RAB3GAP1: variants seen among roughly 807,000 people sequenced by gnomAD.
RAB3GAP1 encodes the protein rab3 GTPase-activating protein catalytic subunit.
RAB3GAP1 carries 86 observed loss-of-function variants against 130.7 expected under a neutral mutation model. The ratio of observed to expected loss-of-function variants is 0.66; its 90% CI spans 0.55 to 0.79. The LOEUF (loss-of-function observed/expected upper bound fraction) is 0.79, where lower values mean the gene tolerates loss of function less well. Ranked by LOEUF, RAB3GAP1 falls within the 30% of genes least tolerant of loss-of-function variation. RAB3GAP1 has a pLI of 0.00. For missense variants in RAB3GAP1, 1,029 were observed against 1,169.4 expected (o/e 0.88, Z 1.75); for synonymous variants, 367 against 401.7 (o/e 0.91, Z 1.03).
rs762679572 is a variant in RAB3GAP1 at position 135,130,677 on chromosome 2, G to A, written c.1192G>A (p.Glu398Lys). 6.2e-7 allele frequency: 1 copy of A among 1,613,818 alleles called. No homozygotes were observed. Among genetic ancestry groups the A allele is most frequent in the Non-Finnish European group, 8.5e-7 (1 of 1,179,782 alleles). ...GAAAATCCGAAAACACAGAGGTGTA[G>A]AGGAGTCACCGCTAAATAATGATGT... ...KKKIRKHRGV[E>K]ESPLNNDVLN... The change falls in exon 13 of 24, where the codon GAG (glutamate) becomes AAG (lysine). Residue 398 changes from glutamate to lysine, a missense_variant. Glu to Lys is a moderately conservative substitution (Grantham distance 56, BLOSUM62 1). Coordinates refer to ENST00000264158, the MANE Select transcript of RAB3GAP1 (RefSeq NM_012233.3).
intron 6 of RAB3GAP1, among the ~76,000 whole-genome samples, chr2:135,114,937 A>G (rs557546693): frequency 1.3e-5 from 2 of 152,326 alleles, no homozygotes; most frequent in Admixed American, 1.3e-4. Flanking sequence ...ACTTTTACTC[A>G]AGACAGTTTT....
intron 7 of RAB3GAP1, among the ~76,000 whole-genome samples, chr2:135,119,486 C>T (rs1045149110): frequency 6.6e-6 from 1 of 152,102 alleles, no homozygotes; most frequent in African/African-American, 2.4e-5. Context: ...TCAAAGTGGC[C>T]TTGTTATGGC....
rs750315541 is a variant in RAB3GAP1 at position 135,168,823 on chromosome 2, G to T, written c.*42G>T. Reference sequence around the variant, plus strand: ...CGTTGGTGGCTTCAGAGACAGTGCTGCCTCCTCCTGAGGGAGGGAAGGTAC... The same window carrying T: ...CGTTGGTGGCTTCAGAGACAGTGCTTCCTCCTCCTGAGGGAGGGAAGGTAC... On this transcript the variant is annotated 3_prime_UTR_variant, in exon 24 of 24. Coordinates refer to ENST00000264158, the MANE Select transcript of RAB3GAP1 (RefSeq NM_012233.3). 1.3e-6 allele frequency: 2 copies of T among 1,549,150 alleles called. No homozygotes were observed. The highest frequency in any genetic ancestry group is 1.4e-5 in the African/African-American group (1 of 73,626).
At chr2:135,103,295 C>T (rs1157021271) in intron 5 of RAB3GAP1, among the ~76,000 whole-genome samples, 4 of 151,948 alleles carry the variant, frequency 2.6e-5, no homozygotes, top group Non-Finnish European at 5.9e-5. Flanking sequence ...CCATGGCCTC[C>T]CAAAGTGCTA....
chr2:135,158,970 T>C (rs1692393134), intron 19 of RAB3GAP1, among the ~76,000 whole-genome samples: 2 of 152,150 alleles, frequency 1.3e-5, no homozygotes, highest in African/African-American at 4.8e-5. Context: ...AAAGAAAAAT[T>C]TGCAGAAGTT....
downstream of RAB3GAP1, among the ~76,000 whole-genome samples, chr2:135,173,481 CAAGT>C (rs946391322): frequency 1.7e-4 from 26 of 152,186 alleles, no homozygotes; most frequent in Admixed American, 1.6e-3. Flanking sequence ...ACTGAGATGA[CAAGT>C]AAGATGAGGA....
At chr2:135,136,103 A>G (rs1360021344) in intron 17 of RAB3GAP1, among the ~76,000 whole-genome samples, 171 bp downstream of exon 17, 1 of 152,340 alleles carries the variant, frequency 6.6e-6, no homozygotes, top group East Asian at 1.9e-4. Flanking sequence ...AGGTGGGCAG[A>G]TCACCTGAGG....
At position 135,124,990 on chromosome 2, in the gene RAB3GAP1, AT is replaced by A. The variant is rs572404334; in HGVS notation, c.830+747del. Among the ~76,000 whole-genome samples, 347 of 152,340 alleles carry A rather than the reference AT, an allele frequency of 2.3e-3. 1 individual carries two copies. Among genetic ancestry groups the A allele is most frequent in the African/African-American group, 7.7e-3 (321 of 41,566 alleles). On this transcript the variant is annotated intron_variant, in intron 9 of 23. Coordinates refer to ENST00000264158, the MANE Select transcript of RAB3GAP1 (RefSeq NM_012233.3). Reference sequence around the variant, plus strand: ...TAATTTACCTGCCATAAAATTCACTATTTAAAAGTGTACAATTCAATGGTAT... The same window carrying A: ...TAATTTACCTGCCATAAAATTCACTATTAAAAGTGTACAATTCAATGGTAT...
intron 18 of RAB3GAP1, among the ~76,000 whole-genome samples, chr2:135,151,428 T>C (rs915702438): frequency 6.6e-6 from 1 of 152,234 alleles, no homozygotes; most frequent in Non-Finnish European, 1.5e-5. Context: ...TTTTTAAACA[T>C]AAACACTCCA....
At chr2:135,112,508 C>G (rs1690834319) in intron 5 of RAB3GAP1, among the ~76,000 whole-genome samples, 1 of 152,128 alleles carries the variant, frequency 6.6e-6, no homozygotes. Context: ...AGTGTGAAAC[C>G]AGAAGAAACT....
intron 6 of RAB3GAP1, 68 bp downstream of exon 6, chr2:135,113,338 G>A: frequency 6.4e-7 from 1 of 1,561,852 alleles, no homozygotes; most frequent in South Asian, 1.1e-5. Flanking sequence ...AAGGCAAACA[G>A]TTATTAAATG....
chr2:135,119,467 G>A (rs1312165516), intron 7 of RAB3GAP1, among the ~76,000 whole-genome samples: 2 of 152,124 alleles, frequency 1.3e-5, no homozygotes, highest in Non-Finnish European at 2.9e-5. Flanking sequence ...CTGGATCAGA[G>A]GTTATGTGTC....
intron 4 of RAB3GAP1, among the ~76,000 whole-genome samples, chr2:135,092,500 G>A (rs1254612032): frequency 6.6e-6 from 1 of 152,140 alleles, no homozygotes; most frequent in Non-Finnish European, 1.5e-5. Flanking sequence ...GCAATGGCGC[G>A]ATCTCAGCTC....
intron 5 of RAB3GAP1, among the ~76,000 whole-genome samples, chr2:135,101,025 G>C (rs1690433292): frequency 6.6e-6 from 1 of 152,194 alleles, no homozygotes; most frequent in Non-Finnish European, 1.5e-5. Flanking sequence ...TAGTAGAGGT[G>C]ATGATGTTTA....
At chr2:135,125,842 A>G (rs553662697) in intron 9 of RAB3GAP1, among the ~76,000 whole-genome samples, 1 of 152,354 alleles carries the variant, frequency 6.6e-6, no homozygotes, top group African/African-American at 2.4e-5. Flanking sequence ...CTGAAGCTGC[A>G]GAAAGTGAAG....
At chr2:135,061,660 A>G (rs1176905625) in intron 3 of RAB3GAP1, among the ~76,000 whole-genome samples, 3 of 151,906 alleles carry the variant, frequency 2.0e-5, no homozygotes, top group Admixed American at 1.3e-4. Flanking sequence ...ATTGAGTTGT[A>G]GGAGTTCTTT....
At chr2:135,155,706 T>C (rs938013199) in intron 19 of RAB3GAP1, among the ~76,000 whole-genome samples, 1 of 152,146 alleles carries the variant, frequency 6.6e-6, no homozygotes, top group Non-Finnish European at 1.5e-5. Flanking sequence ...ACCTATAGGC[T>C]ATACTTAAGA....
chr2:135,090,189 TTAAAA>T (rs907802898), intron 3 of RAB3GAP1, among the ~76,000 whole-genome samples: 2 of 152,224 alleles, frequency 1.3e-5, no homozygotes, highest in African/African-American at 2.4e-5. Flanking sequence ...CTTAGGACAC[TTAAAA>T]TAAGATTTAA....
intron 5 of RAB3GAP1, among the ~76,000 whole-genome samples, chr2:135,105,899 TGAG>T (rs1276720104): frequency 6.8e-6 from 1 of 147,366 alleles, no homozygotes; most frequent in Non-Finnish European, 1.5e-5. Flanking sequence ...ATCTGGGAGG[TGAG>T]GAGCATCTCT....
Sources: gnomAD v4.1 joint callset for allele counts (sites outside exome capture counted in the v4.1 genomes callset) on GRCh38, gnomAD v4.1.1 for gene constraint, MANE v1.5 for transcripts, NCBI Gene and HGNC (gene_info 2026-07-23, HGNC 2026-07-21) for gene names.